FAM184B: variants seen among roughly 807,000 people sequenced by gnomAD.
FAM184B encodes the protein protein FAM184B.
In FAM184B, 111 loss-of-function variants were observed where a neutral mutation model predicts 135.9. The ratio of observed to expected loss-of-function variants is 0.82; its 90% CI spans 0.70 to 0.96. The LOEUF is 0.96. Ranked by LOEUF, FAM184B falls within the 40% of genes least tolerant of loss-of-function variation. The pLI is 0.00. For synonymous variants in FAM184B, 552 were observed against 524.8 expected, an observed-to-expected ratio of 1.05 and a Z score of -0.71; for missense variants, 1,375 against 1,323.9, an observed-to-expected ratio of 1.04 and a Z score of -0.60.
intron 10 of FAM184B, among the ~76,000 whole-genome samples, chr4:17,655,932 A>G (rs1205634171): frequency 6.6e-6 from 1 of 152,240 alleles, no homozygotes; most frequent in Non-Finnish European, 1.5e-5. Context: ...AAATGAGGAA[A>G]CTGAGGCACA....
chr4:17,739,556 T>TTTTTTTTTTTTTG (rs1717982458), intron 1 of FAM184B, among the ~76,000 whole-genome samples: 1 of 45,092 alleles, frequency 2.2e-5, no homozygotes, highest in African/African-American at 7.3e-5. Context: ...ATACCAACTG[T>TTTTTTTTTTTTTG]TTTTTTTTTT....
chr4:17,718,937 A>G (rs1717458090), intron 1 of FAM184B, among the ~76,000 whole-genome samples: 1 of 152,248 alleles, frequency 6.6e-6, no homozygotes. Context: ...ATAGAAAAGA[A>G]AGCCAATTAG....
rs550831308 is a variant in FAM184B at position 17,666,462 on chromosome 4, C to A, written c.1597-1803G>T. ...GAGACTGCAGGTGCATGCCACTGTG[C>A]CTGGTTCTTTTTTTTTTTTTTTTTT... On this transcript the variant is annotated intron_variant, in intron 7 of 17. Transcript: ENST00000265018. Among the ~76,000 whole-genome samples the A allele has an allele frequency of 4.4e-4, 48 of 110,050 alleles. No individual in the cohort carries two copies. In the South Asian group the frequency reaches 0.017, roughly 40 times the overall value. 72.2% of individuals were successfully genotyped at this position (110,050 alleles called of 152,430 possible).
intron 5 of FAM184B, among the ~76,000 whole-genome samples, chr4:17,702,380 A>G (rs143336069): frequency 2.5e-4 from 38 of 152,264 alleles, no homozygotes; most frequent in African/African-American, 7.9e-4. Flanking sequence ...GCTGTCCATC[A>G]AGATTCGGTG....
At chr4:17,746,731 C>CAA (rs575639086) in intron 1 of FAM184B, among the ~76,000 whole-genome samples, 36 of 110,390 alleles carry the variant, frequency 3.3e-4, no homozygotes, top group African/African-American at 5.6e-4. Flanking sequence ...GACACGGTCT[C>CAA]AAAAAAAAAA....
chr4:17,701,659 A>C (rs1046955161), intron 5 of FAM184B, among the ~76,000 whole-genome samples: 4 of 152,226 alleles, frequency 2.6e-5, no homozygotes, highest in Non-Finnish European at 5.9e-5. Flanking sequence ...ATTGCAAATC[A>C]CAGGCCATGA....
At chr4:17,651,490 A>C (rs1433303800) in intron 11 of FAM184B, among the ~76,000 whole-genome samples, 1 of 137,244 alleles carries the variant, frequency 7.3e-6, no homozygotes, top group Non-Finnish European at 1.5e-5. Context: ...GTGAGCTGAG[A>C]TCATGCCACT....
chr4:17,694,340 A>T (rs2108959140), intron 5 of FAM184B, among the ~76,000 whole-genome samples: 1 of 152,182 alleles, frequency 6.6e-6, no homozygotes, highest in East Asian at 1.9e-4. Context: ...TGGCTAACAC[A>T]GTGAAACCCC....
intron 1 of FAM184B, among the ~76,000 whole-genome samples, chr4:17,743,448 G>A (rs1043233331): frequency 6.6e-6 from 1 of 152,140 alleles, no homozygotes. Context: ...GTGGAAGCAG[G>A]GAGACTAGTC....
intron 1 of FAM184B, among the ~76,000 whole-genome samples, chr4:17,746,953 G>A (rs1429658558): frequency 5.3e-5 from 8 of 150,542 alleles, no homozygotes; most frequent in East Asian, 2.0e-4. Context: ...CAGGAGAATC[G>A]CTTGAGCCCT....
intron 16 of FAM184B, among the ~76,000 whole-genome samples, chr4:17,634,557 C>T (rs572294703): frequency 6.6e-6 from 1 of 152,256 alleles, no homozygotes; most frequent in South Asian, 2.1e-4. Context: ...ATCCTGACCT[C>T]AAGTGATCCA....
intron 12 of FAM184B, among the ~76,000 whole-genome samples, chr4:17,646,915 T>C (rs1715482697): frequency 6.6e-6 from 1 of 151,826 alleles, no homozygotes; most frequent in Non-Finnish European, 1.5e-5. Context: ...GAAAGAGAGT[T>C]GGCACTGAGC....
Position 17,642,309 on chromosome 4 carries a change from G to A in FAM184B, c.2347-81C>T, listed in dbSNP as rs535472067. ...GAAAGGGCCAGAGATGTGCTGCGGC[G>A]AGATGGAGACCCACTGGCACCCCGC... is the stretch of plus-strand genomic sequence containing the variant. On this transcript the variant is annotated intron_variant, in intron 12 of 17. Coordinates refer to ENST00000265018, the MANE Select transcript of FAM184B (RefSeq NM_015688.2). 1.4e-4 allele frequency: 194 copies of A among 1,386,368 alleles called. No homozygotes were observed. The African/African-American group carries it at 2.6e-3, about 19-fold the overall frequency. 85.9% of individuals were successfully genotyped at this position (1,386,368 alleles called of 1,614,324 possible).
At chr4:17,758,714 G>A (rs1457836109) in intron 1 of FAM184B, among the ~76,000 whole-genome samples, 2 of 152,180 alleles carry the variant, frequency 1.3e-5, no homozygotes, top group African/African-American at 4.8e-5. Flanking sequence ...CTTAGCAGGC[G>A]AGAGCCTGAA....
At chr4:17,639,802 A>G (rs1715254638) in intron 13 of FAM184B, among the ~76,000 whole-genome samples, 1 of 150,498 alleles carries the variant, frequency 6.6e-6, no homozygotes, top group Admixed American at 6.6e-5. Context: ...TTCCCTAACA[A>G]CTACACTGCA....
rs397992408 is a variant in FAM184B at position 17,739,555 on chromosome 4, G to GTTTTTT, written c.142-29917_142-29912dup. The stretch of plus-strand genomic sequence containing the variant: ...CCCTACACCATATGTCATACCAACT[G>GTTTTTT]TTTTTTTTTTTTTTTTGAGATGGGG... On this transcript the variant is annotated intron_variant, in intron 1 of 17. Coordinates refer to ENST00000265018, the MANE Select transcript of FAM184B (RefSeq NM_015688.2). Among the ~76,000 whole-genome samples the GTTTTTT allele has an allele frequency of 6.4e-5, 4 of 62,508 alleles. 1 individual carries two copies. Among genetic ancestry groups the GTTTTTT allele is most frequent in the African/African-American group, 1.8e-4 (3 of 16,252 alleles). The allele number at this position is 62,508 out of a possible 152,430, so 41.0% of individuals were successfully genotyped here.
At chr4:17,655,294 C>T in intron 10 of FAM184B, among the ~76,000 whole-genome samples, 1 of 152,204 alleles carries the variant, frequency 6.6e-6, no homozygotes, top group East Asian at 1.9e-4. Context: ...TGAAGCCTGG[C>T]TTTGCAAGAC....
At chr4:17,675,648 T>C (rs911394504) in intron 7 of FAM184B, among the ~76,000 whole-genome samples, 5 of 152,242 alleles carry the variant, frequency 3.3e-5, no homozygotes, top group African/African-American at 1.2e-4. Flanking sequence ...TTTGTCTACA[T>C]TGAAAATCTG....
At chr4:17,690,754 A>G (rs1435474296) in intron 6 of FAM184B, among the ~76,000 whole-genome samples, 1 of 152,120 alleles carries the variant, frequency 6.6e-6, no homozygotes, top group Non-Finnish European at 1.5e-5. Context: ...GAAAGAGTCT[A>G]GGCAAGTCAT....
Sources: allele counts gnomAD v4.1 joint callset (sites outside exome capture counted in the v4.1 genomes callset), GRCh38; gene constraint gnomAD v4.1.1; transcripts MANE v1.5; gene names NCBI Gene and HGNC (gene_info 2026-07-23, HGNC 2026-07-21).